Variants in MYO6 observed in about 807,000 individuals in gnomAD.
The protein encoded by MYO6 is myosin VI.
A neutral mutation model predicts 178.7 loss-of-function variants in MYO6; 74 were observed. The observed-to-expected ratio is 0.41, with a 90% CI of 0.34 to 0.50. MYO6 has a LOEUF of 0.50. Ranked by LOEUF, MYO6 falls within the 20% of genes least tolerant of loss-of-function variation. The pLI, the probability that MYO6 is intolerant of heterozygous loss-of-function variation, is 0.09. For synonymous variants in MYO6, 477 were observed against 504.6 expected (o/e 0.95, Z 0.73); for missense variants, 1,330 against 1,547.4 (o/e 0.86, Z 2.36).
intron 22 of MYO6, among the ~76,000 whole-genome samples, chr6:75,881,183 A>G (rs1440079507): frequency 2.0e-5 from 3 of 152,036 alleles, no homozygotes; most frequent in Non-Finnish European, 4.4e-5. Flanking sequence ...GAGCCTGGGA[A>G]GTTGAGGCTG....
chr6:75,814,203 C>A (rs1770981089), intron 1 of MYO6, among the ~76,000 whole-genome samples: 1 of 151,556 alleles, frequency 6.6e-6, no homozygotes, highest in Non-Finnish European at 1.5e-5. Flanking sequence ...TCTGTAAATG[C>A]TCTGTTTGTG....
At chr6:75,774,067 T>C (rs904820144) in intron 1 of MYO6, among the ~76,000 whole-genome samples, 2 of 152,210 alleles carry the variant, frequency 1.3e-5, no homozygotes, top group Non-Finnish European at 2.9e-5. Context: ...AGAAGAGTAA[T>C]TATCATAATG....
intron 1 of MYO6, among the ~76,000 whole-genome samples, chr6:75,772,977 G>A (rs183061836): frequency 4.2e-4 from 64 of 152,248 alleles, no homozygotes; most frequent in Non-Finnish European, 8.1e-4. Context: ...ATTCTGTGAG[G>A]TAGGAAAGTG....
chr6:75,789,297 A>G (rs1767991802), intron 1 of MYO6, among the ~76,000 whole-genome samples: 1 of 152,304 alleles, frequency 6.6e-6, no homozygotes, highest in South Asian at 2.1e-4. Flanking sequence ...ATACATCTCA[A>G]TTTTAAACGT....
intron 30 of MYO6, among the ~76,000 whole-genome samples, chr6:75,901,874 C>T (rs1400012350): frequency 6.6e-6 from 1 of 152,218 alleles, no homozygotes; most frequent in East Asian, 1.9e-4. Flanking sequence ...TCATAGATAG[C>T]TCTTATTATT....
chr6:75,753,454 T>A (rs928879852), intron 1 of MYO6, among the ~76,000 whole-genome samples: 1 of 126,926 alleles, frequency 7.9e-6, no homozygotes, highest in Non-Finnish European at 1.7e-5. Flanking sequence ...TGTGTGTGTG[T>A]GTATATATAT....
At chr6:75,822,990 A>C (rs1314642521) in intron 3 of MYO6, 139 bp downstream of exon 3, 1 of 705,496 alleles carries the variant, frequency 1.4e-6, no homozygotes, top group African/African-American at 1.8e-5. Context: ...ATTCATGTGA[A>C]TGAAGGAACT....
Position 75,828,573 on chromosome 6 carries a change from T to C in MYO6, c.221T>C (p.Leu74Pro). ...ATGTATTTAAATGAAGCCACACTGC[T>C]CCATAATATCAAAGTTCGATATAGT... ...SLMYLNEATL[L>P]HNIKVRYSKD... Residue 74 changes from leucine to proline, a missense_variant, in exon 4 of 35, where the codon CTC becomes CCC. This residue lies in a region of MYO6 where 116 missense variants were observed against 104.6 expected (regional missense o/e 1.11). Coordinates refer to ENST00000369977, the MANE Select transcript of MYO6 (RefSeq NM_004999.4). 1 of 1,585,022 alleles carries C rather than the reference T, an allele frequency of 6.3e-7. No homozygotes were observed. The highest frequency in any genetic ancestry group is 1.3e-5 in the African/African-American group (1 of 74,394).
intron 1 of MYO6, among the ~76,000 whole-genome samples, chr6:75,786,242 T>C (rs1315484374): frequency 6.6e-6 from 1 of 152,154 alleles, no homozygotes. Context: ...TTTATATATA[T>C]ATAAATCTTT....
At chr6:75,781,419 T>G (rs997750312) in intron 1 of MYO6, among the ~76,000 whole-genome samples, 2 of 152,134 alleles carry the variant, frequency 1.3e-5, no homozygotes, top group Non-Finnish European at 2.9e-5. Context: ...GTGGCCTTTG[T>G]GCACAGCAGA....
At chr6:75,750,258 C>A (rs991642959) in intron 1 of MYO6, among the ~76,000 whole-genome samples, 40 of 152,138 alleles carry the variant, frequency 2.6e-4, no homozygotes, top group African/African-American at 9.4e-4. Context: ...CCACGCCTGG[C>A]TAATTTTTTT....
intron 1 of MYO6, among the ~76,000 whole-genome samples, chr6:75,814,686 A>G (rs1771039084): frequency 6.6e-6 from 1 of 151,906 alleles, no homozygotes; most frequent in South Asian, 2.1e-4. Flanking sequence ...ACACAGTGAG[A>G]CCCTGTATAT....
chr6:75,905,926 CCTTTA>C (rs1382375611), intron 30 of MYO6, among the ~76,000 whole-genome samples: 5 of 152,176 alleles, frequency 3.3e-5, no homozygotes, highest in Non-Finnish European at 4.4e-5. Context: ...AGAATAATTT[CCTTTA>C]CTTCAGGAAG....
At chr6:75,832,314 A>G (rs1232000106) in intron 5 of MYO6, among the ~76,000 whole-genome samples, 1 of 152,196 alleles carries the variant, frequency 6.6e-6, no homozygotes, top group African/African-American at 2.4e-5. Context: ...CACAGATATA[A>G]TCTAGGAAAT....
chr6:75,896,148 T>C (rs1779285316), intron 29 of MYO6, among the ~76,000 whole-genome samples: 1 of 152,176 alleles, frequency 6.6e-6, no homozygotes, highest in Non-Finnish European at 1.5e-5. Context: ...TTTAACAGCT[T>C]TAAGGACTCC....
At chr6:75,900,699 T>A (rs2149393819) in intron 30 of MYO6, among the ~76,000 whole-genome samples, 1 of 152,296 alleles carries the variant, frequency 6.6e-6, no homozygotes. Context: ...TTCACTAGGA[T>A]GGTAGTTTCT....
intron 29 of MYO6, among the ~76,000 whole-genome samples, 190 bp downstream of exon 29, chr6:75,895,450 GT>G (rs1779219669): frequency 6.6e-6 from 1 of 151,148 alleles, no homozygotes; most frequent in South Asian, 2.1e-4. Flanking sequence ...TCATGATTTG[GT>G]TTCCTTCTTT....
chr6:75,827,011 C>G (rs1335777651), intron 3 of MYO6, among the ~76,000 whole-genome samples: 2 of 152,102 alleles, frequency 1.3e-5, no homozygotes, highest in Non-Finnish European at 2.9e-5. Flanking sequence ...TGGCAAGAGG[C>G]TCTTGTTTGA....
chr6:75,817,692 A>G (rs751518507), intron 2 of MYO6, 28 bp downstream of exon 2: 6 of 1,590,784 alleles, frequency 3.8e-6, no homozygotes, highest in Non-Finnish European at 5.2e-6. Flanking sequence ...ATGTTGAAAT[A>G]TGATTTCTTT....
Sources: gnomAD v4.1 joint callset for allele counts (sites outside exome capture counted in the v4.1 genomes callset) on GRCh38, gnomAD v4.1.1 for gene constraint, gnomAD v4.1.1 regional missense constraint, MANE v1.5 for transcripts, NCBI Gene and HGNC (gene_info 2026-07-23, HGNC 2026-07-21) for gene names.